The following SLC14A1 variants were observed in gnomAD, a reference collection of about 807,000 sequenced individuals.
SLC14A1 encodes urea transporter 1.
A neutral mutation model predicts 39.6 loss-of-function variants in SLC14A1; 36 were observed. The observed-to-expected ratio is 0.91, with a 90% CI of 0.70 to 1.20. The LOEUF (loss-of-function observed/expected upper bound fraction) is 1.20, where lower values mean the gene tolerates loss of function less well. Among genes scored for constraint, SLC14A1 ranks in the 50% most tolerant of loss-of-function variants. The pLI is 0.00. For synonymous variants in SLC14A1, 164 were observed against 173.6 expected (o/e 0.94, Z 0.43); for missense variants, 469 against 478.7 (o/e 0.98, Z 0.19).
intron 8 of SLC14A1, among the ~76,000 whole-genome samples, chr18:45,743,690 C>T (rs1430039023): frequency 1.3e-5 from 2 of 152,182 alleles, no homozygotes; most frequent in African/African-American, 4.8e-5. Flanking sequence ...ACTCGCTCAG[C>T]ACTATTTAAA....
intron 2 of SLC14A1, chr18:45,730,066 T>C (rs909065654): frequency 4.5e-6 from 2 of 440,760 alleles, no homozygotes; most frequent in African/African-American, 1.9e-5. Context: ...CTGCACCTTA[T>C]GAAATTAAAG....
intron 2 of SLC14A1, 92 bp from the exon 3 acceptor site, chr18:45,730,208 G>A (rs1960692347): frequency 7.5e-7 from 1 of 1,326,144 alleles, no homozygotes; most frequent in Non-Finnish European, 1.0e-6. Context: ...GGAACATAGT[G>A]GTCCAGATCT....
At chr18:45,736,430 A>C in intron 5 of SLC14A1, 26 bp from the exon 6 acceptor site, 2 of 1,612,774 alleles carry the variant, frequency 1.2e-6, no homozygotes, top group South Asian at 1.1e-5. Flanking sequence ...TCACATGCAC[A>C]TTCTTTTGCT....
At chr18:45,730,151 C>T in intron 2 of SLC14A1, 149 bp from the exon 3 acceptor site, 1 of 768,550 alleles carries the variant, frequency 1.3e-6, no homozygotes. Context: ...GGCTAATAAG[C>T]TCTGTGGTGG....
At chr18:45,725,701 A>T (rs1177309307) in intron 2 of SLC14A1, among the ~76,000 whole-genome samples, 1 of 152,146 alleles carries the variant, frequency 6.6e-6, no homozygotes, top group Non-Finnish European at 1.5e-5. Context: ...AAAAATTAAG[A>T]ACCACCAGAG....
At chr18:45,738,588 A>G (rs192264268) in intron 6 of SLC14A1, among the ~76,000 whole-genome samples, 4 of 152,352 alleles carry the variant, frequency 2.6e-5, no homozygotes, top group Non-Finnish European at 5.9e-5. Flanking sequence ...TACATGTTCC[A>G]CTTAATGACA....
At chr18:45,727,068 C>T in intron 2 of SLC14A1, 1 of 548,766 alleles carries the variant, frequency 1.8e-6, no homozygotes, top group Non-Finnish European at 3.3e-6. Context: ...GTCTTTCTGC[C>T]CACTGAGAGC....
rs1965420318 is a variant in SLC14A1 at position 45,750,998 on chromosome 18, A to C, written c.*1047A>C. 1.0e-6 allele frequency: 1 copy of C among 985,152 alleles called. No homozygotes were observed. Among genetic ancestry groups the C allele is most frequent in the African/African-American group, 1.7e-5 (1 of 57,224 alleles). 61.0% of individuals were successfully genotyped at this position (985,152 alleles called of 1,614,324 possible). A position where few individuals can be genotyped will look rare whatever the true frequency, so the allele number is the denominator to read the frequency against. On this transcript the variant is annotated 3_prime_UTR_variant, in exon 10 of 10. Coordinates refer to ENST00000321925, the MANE Select transcript of SLC14A1 (RefSeq NM_015865.7). The stretch of plus-strand genomic sequence containing the variant: ...TTTAAAAAAGCTCATTATTTTTTGC[A>C]CACTCACAATATTCTCTCTCAGAAA...
In SLC14A1 at chr18:45,736,500, ACCTCCCCGTCTTCAC is replaced by A. The variant is rs772726215; in HGVS notation, c.522_536del (p.Val175_Pro179del). Reference sequence around the variant, plus strand: ...TTGAATTCCATGCTCAGCAAATGGGACCTCCCCGTCTTCACCCTCCCTTTCAACATGGCGTTGTCA... The same window carrying A: ...TTGAATTCCATGCTCAGCAAATGGGACCTCCCTTTCAACATGGCGTTGTCA... On this transcript the variant is annotated inframe_deletion, in exon 6 of 10. Transcript: ENST00000321925. 88 of 1,613,704 alleles carry A rather than the reference ACCTCCCCGTCTTCAC, an allele frequency of 5.5e-5. No individual in the cohort carries two copies. Among genetic ancestry groups the A allele is most frequent in the Non-Finnish European group, 6.8e-5 (80 of 1,179,976 alleles).
Position 45,749,680 on chromosome 18 carries a change from A to T in SLC14A1, c.997-98A>T, listed in dbSNP as rs2047655335. The T allele has an allele frequency of 2.9e-6, 4 of 1,393,664 alleles. No individual in the cohort carries two copies. In the South Asian group the frequency reaches 4.7e-5, roughly 16 times the overall value. The allele number at this position is 1,393,664 out of a possible 1,614,324, so 86.3% of individuals were successfully genotyped here. ...TCCAGAGCAATGCCCCCAGTGGTTCATCCCCCTGGGCTGAATGCAAGTAGA... is the reference window on the plus strand; with the variant it reads ...TCCAGAGCAATGCCCCCAGTGGTTCTTCCCCCTGGGCTGAATGCAAGTAGA... On this transcript the variant is annotated intron_variant, in intron 9 of 9. Coordinates refer to ENST00000321925, the MANE Select transcript of SLC14A1 (RefSeq NM_015865.7).
rs1382392744 is a variant in SLC14A1, at chr18:45,744,035, CA to C, written c.947-4340del. 1.4e-5 allele frequency among the ~76,000 whole-genome samples: 2 copies of C among 146,660 alleles called. 1 individual carries two copies. The highest frequency in any genetic ancestry group is 4.0e-4 in the East Asian group (2 of 5,020). On this transcript the variant is annotated intron_variant, in intron 8 of 9. Coordinates refer to ENST00000321925, the MANE Select transcript of SLC14A1 (RefSeq NM_015865.7). ...CTTCTGTACTTTTTTTTTTTTGAGA[CA>C]GAGTCTCACTCTGTTCCCCAGGCTG...
chr18:45,751,716 G>A lies in SLC14A1; in HGVS notation c.*1765G>A. The A allele has an allele frequency of 2.1e-6, 1 of 465,552 alleles. No individual in the cohort carries two copies. Among genetic ancestry groups the A allele is most frequent in the Non-Finnish European group, 2.8e-6 (1 of 355,866 alleles). 28.8% of individuals were successfully genotyped at this position (465,552 alleles called of 1,614,324 possible). ...GATCGCTTGTGCACAGAAGTTCGAG[G>A]CTGCAGTGAGCTATATGATCATGTC... is the stretch of plus-strand genomic sequence containing the variant. On this transcript the variant is annotated 3_prime_UTR_variant, in exon 10 of 10. Coordinates refer to ENST00000321925, the MANE Select transcript of SLC14A1 (RefSeq NM_015865.7).
chr18:45,739,938 C>G (rs2047312838), intron 8 of SLC14A1: 1 of 493,564 alleles, frequency 2.0e-6, no homozygotes, highest in Non-Finnish European at 3.7e-6. Flanking sequence ...AAAGAAAAAT[C>G]CCAGTTATTC....
intron 8 of SLC14A1, 44 bp from the exon 9 acceptor site, chr18:45,748,332 G>C: frequency 6.3e-7 from 1 of 1,598,562 alleles, no homozygotes; most frequent in Non-Finnish European, 8.6e-7. Context: ...GATTAAAAGT[G>C]CATCTACGAA....
chr18:45,732,678 G>A (rs531055804), intron 4 of SLC14A1, among the ~76,000 whole-genome samples: 52 of 152,214 alleles, frequency 3.4e-4, no homozygotes, highest in South Asian at 6.2e-4. Flanking sequence ...CCTCCTGCTC[G>A]AGCCCAGCAT....
intron 8 of SLC14A1, among the ~76,000 whole-genome samples, chr18:45,740,785 G>A (rs979940858): frequency 6.6e-5 from 10 of 151,962 alleles, no homozygotes; most frequent in East Asian, 1.9e-4. Context: ...CAATCCTCCC[G>A]CCTCCACCTC....
At chr18:45,738,011 C>A (rs28898880) in intron 6 of SLC14A1, among the ~76,000 whole-genome samples, 11 of 150,286 alleles carry the variant, frequency 7.3e-5, no homozygotes, top group Admixed American at 5.3e-4. Flanking sequence ...ACAAAAAAAG[C>A]ATATGCCATC....
chr18:45,739,960 C>T (rs2047314131), intron 8 of SLC14A1: 2 of 428,816 alleles, frequency 4.7e-6, no homozygotes, highest in African/African-American at 2.0e-5. Context: ...TCAGCTTTAT[C>T]CCCAGAGATA....
chr18:45,749,499 C>G (rs530372068), intron 9 of SLC14A1, among the ~76,000 whole-genome samples: 1 of 152,194 alleles, frequency 6.6e-6, no homozygotes, highest in South Asian at 2.1e-4. Flanking sequence ...CAAATGTTCT[C>G]TTGGCACATC....
Sources: allele counts gnomAD v4.1 joint callset (sites outside exome capture counted in the v4.1 genomes callset), GRCh38; gene constraint gnomAD v4.1.1; transcripts MANE v1.5; gene names NCBI Gene and HGNC (gene_info 2026-07-23, HGNC 2026-07-21).